AMOTL1: variants seen among roughly 807,000 people sequenced by gnomAD.
AMOTL1 encodes angiomotin like 1.
A neutral mutation model predicts 102.9 loss-of-function variants in AMOTL1; 45 were observed. The ratio of observed to expected loss-of-function variants is 0.44; its 90% CI spans 0.34 to 0.56. The LOEUF is 0.56. Among genes scored for constraint, AMOTL1 ranks in the 20% least tolerant of loss-of-function variants. AMOTL1 has a pLI of 0.01. For synonymous variants in AMOTL1, 481 were observed against 484.7 expected (o/e 0.99, Z 0.10); for missense variants, 1,114 against 1,225.6 (o/e 0.91, Z 1.36).
Position 94,786,471 on chromosome 11 carries a change from C to T in AMOTL1, c.50-8540C>T, listed in dbSNP as rs1284900994. ...CATTTAGGGCACAGTCCTGTGGGCT[C>T]AGGACCTGCCTGTGGGGGCTGAGGA... On this transcript the variant is annotated intron_variant, in intron 1 of 12. Coordinates refer to ENST00000433060, the MANE Select transcript of AMOTL1 (RefSeq NM_130847.3). Among the ~76,000 whole-genome samples, 7 of 152,210 alleles carry T rather than the reference C, an allele frequency of 4.6e-5. No individual in the cohort carries two copies. The South Asian group carries it at 1.2e-3, about 27-fold the overall frequency.
rs78507337 is a variant in AMOTL1 at position 94,826,884 on chromosome 11, T to C, written c.1414-3166T>C. ...ACCTTGTTCTGAACTAAGATCCTTG[T>C]TTTTTTTTCTAGGTCCCTTCTAAGC... is the stretch of plus-strand genomic sequence containing the variant. On this transcript the variant is annotated intron_variant, in intron 4 of 12. Coordinates refer to ENST00000433060, the MANE Select transcript of AMOTL1 (RefSeq NM_130847.3). 2.4e-3 allele frequency among the ~76,000 whole-genome samples: 356 copies of C among 150,520 alleles called. 12 individuals carry two copies. The East Asian group carries it at 0.056, about 23-fold the overall frequency.
chr11:94,809,909 A>C (rs563626885), intron 3 of AMOTL1, among the ~76,000 whole-genome samples: 50 of 152,354 alleles, frequency 3.3e-4, no homozygotes, highest in Middle Eastern at 3.4e-3. Context: ...CCAATTAATT[A>C]GAGCTTTTAT....
intron 3 of AMOTL1, among the ~76,000 whole-genome samples, chr11:94,750,472 G>T (rs1950639260): frequency 6.6e-6 from 1 of 152,126 alleles, no homozygotes; most frequent in South Asian, 2.1e-4. Context: ...CTACTCTCCT[G>T]TGCACTCTCT....
At chr11:94,821,854 C>A in intron 4 of AMOTL1, 33 bp downstream of exon 4, 1 of 1,602,702 alleles carries the variant, frequency 6.2e-7, no homozygotes, top group African/African-American at 1.3e-5. Flanking sequence ...GGGAGGGAGA[C>A]AAATTCTTTA....
intron 3 of AMOTL1, among the ~76,000 whole-genome samples, chr11:94,745,751 ATTGT>A (rs902419148): frequency 1.5e-4 from 23 of 152,128 alleles, no homozygotes; most frequent in Non-Finnish European, 3.2e-4. Context: ...CTTTTATTTT[ATTGT>A]TTTATTATTA....
chr11:94,722,696 A>G (rs1950192977), intron 1 of AMOTL1, among the ~76,000 whole-genome samples: 1 of 152,188 alleles, frequency 6.6e-6, no homozygotes, highest in Admixed American at 6.5e-5. Context: ...TTAAGCAAGC[A>G]AGTTGGAATT....
intron 3 of AMOTL1, among the ~76,000 whole-genome samples, chr11:94,746,965 T>C (rs1400307686): frequency 6.6e-6 from 1 of 151,964 alleles, no homozygotes; most frequent in East Asian, 1.9e-4. Context: ...CACTTTATCT[T>C]TTCAGTTGTA....
rs1952543162 is a variant in AMOTL1, at chr11:94,851,716, T to G, written c.1794+1457T>G. On this transcript the variant is annotated intron_variant, in intron 7 of 12. Transcript: ENST00000433060. ...AATAAAGGACTTTACCTCCTCTTCC[T>G]GTTGTTACTTGGAGGATTAAATGAG... Among the ~76,000 whole-genome samples, 6 of 152,232 alleles carry G rather than the reference T, an allele frequency of 3.9e-5. No individual in the cohort carries two copies. The South Asian group carries it at 1.2e-3, about 31-fold the overall frequency.
At chr11:94,791,009 G>C (rs1230066874) in intron 1 of AMOTL1, among the ~76,000 whole-genome samples, 1 of 152,128 alleles carries the variant, frequency 6.6e-6, no homozygotes, top group Non-Finnish European at 1.5e-5. Flanking sequence ...CTCTTGAGTA[G>C]GGAAAATAGT....
intron 6 of AMOTL1, among the ~76,000 whole-genome samples, chr11:94,843,579 G>T (rs1306303760): frequency 1.3e-5 from 2 of 152,138 alleles, no homozygotes; most frequent in African/African-American, 4.8e-5. Context: ...CCTATAAATT[G>T]TAGCTGTCCC....
chr11:94,748,063 A>G (rs1950610264), intron 3 of AMOTL1, among the ~76,000 whole-genome samples: 1 of 152,206 alleles, frequency 6.6e-6, no homozygotes, highest in South Asian at 2.1e-4. Flanking sequence ...TGCTCAAACC[A>G]TTATGACTGA....
chr11:94,867,383 TTTGAAAATTTGC>T (rs1289171575), intron 11 of AMOTL1, among the ~76,000 whole-genome samples: 4 of 151,784 alleles, frequency 2.6e-5, no homozygotes, highest in Non-Finnish European at 5.9e-5. Context: ...GGTCAAGGAG[TTTGAAAATTTGC>T]TCAGCTCTGG....
chr11:94,838,066 G>A (rs1369331636), intron 6 of AMOTL1, among the ~76,000 whole-genome samples: 2 of 152,132 alleles, frequency 1.3e-5, no homozygotes, highest in African/African-American at 4.8e-5. Context: ...CCTGAGATAC[G>A]GTTAAATCTT....
At chr11:94,778,558 G>T (rs1951060363) in intron 1 of AMOTL1, among the ~76,000 whole-genome samples, 1 of 152,182 alleles carries the variant, frequency 6.6e-6, no homozygotes, top group Non-Finnish European at 1.5e-5. Context: ...TCAAAAAATT[G>T]TTAGGAGAAA....
At chr11:94,859,362 A>G (rs1205540151) in intron 8 of AMOTL1, among the ~76,000 whole-genome samples, 163 bp from the exon 9 acceptor site, 4 of 152,224 alleles carry the variant, frequency 2.6e-5, no homozygotes, top group Non-Finnish European at 4.4e-5. Flanking sequence ...GTCGTTTTGC[A>G]GAGCGCCATG....
chr11:94,708,765 T>C (rs1391428167), intron 1 of AMOTL1, among the ~76,000 whole-genome samples: 1 of 152,126 alleles, frequency 6.6e-6, no homozygotes, highest in African/African-American at 2.4e-5. Flanking sequence ...TGCAGTTTAC[T>C]TAAGGAAATA....
At chr11:94,866,923 C>A (rs953282965) in intron 11 of AMOTL1, among the ~76,000 whole-genome samples, 4 of 152,104 alleles carry the variant, frequency 2.6e-5, no homozygotes, top group Non-Finnish European at 5.9e-5. Context: ...GGCAGGCAGG[C>A]TTGTTGGCTG....
intron 1 of AMOTL1, among the ~76,000 whole-genome samples, chr11:94,781,853 A>C (rs1951119464): frequency 6.6e-6 from 1 of 152,136 alleles, no homozygotes; most frequent in Non-Finnish European, 1.5e-5. Flanking sequence ...AAAAAAAAAA[A>C]AAGAAAAAAA....
upstream of AMOTL1, among the ~76,000 whole-genome samples, chr11:94,763,827 A>G (rs1950823735): frequency 6.6e-6 from 1 of 152,084 alleles, no homozygotes; most frequent in African/African-American, 2.4e-5. Flanking sequence ...GTGGAGGAAG[A>G]TCTGTGTGTA....
Sources: allele counts gnomAD v4.1 joint callset (sites outside exome capture counted in the v4.1 genomes callset), GRCh38; gene constraint gnomAD v4.1.1; transcripts MANE v1.5; gene names NCBI Gene and HGNC (gene_info 2026-07-23, HGNC 2026-07-21).